Variants in COL19A1 observed in about 807,000 individuals in gnomAD.
The protein encoded by COL19A1 is collagen alpha-1(XIX) chain.
In COL19A1, 159 loss-of-function variants were observed where a neutral mutation model predicts 190.2. The observed-to-expected ratio is 0.84, with a 90% CI of 0.73 to 0.95. COL19A1 has a LOEUF of 0.95. Among genes scored for constraint, COL19A1 ranks in the 40% least tolerant of loss-of-function variants. The pLI is 0.00. For missense variants in COL19A1, 1,418 were observed against 1,431.9 expected (o/e 0.99, Z 0.16); for synonymous variants, 509 against 458.9 (o/e 1.11, Z -1.39).
rs376367028 is a variant in COL19A1, at chr6:70,130,195, A to C, written c.1355A>C (p.His452Pro). Residue 452 changes from histidine to proline, a missense_variant, in exon 18 of 51, where the codon CAT becomes CCT. Transcript: ENST00000620364. ...TTTCACCCCTAGGGAAATGATGAAC[A>C]TGAAGCTGGAGGCCTGAAAGGAGAC... Reference protein sequence around the residue: ...YNKDNKGNDEHEAGGLKGDKG... With the variant: ...YNKDNKGNDEPEAGGLKGDKG... The C allele has an allele frequency of 1.3e-5, 21 of 1,611,908 alleles. No homozygotes were observed. The highest frequency in any genetic ancestry group is 1.6e-4 in the Middle Eastern group (1 of 6,062).
intron 47 of COL19A1, among the ~76,000 whole-genome samples, chr6:70,189,989 A>T (rs1285447081): frequency 1.3e-5 from 2 of 152,214 alleles, no homozygotes; most frequent in African/African-American, 4.8e-5. Flanking sequence ...TACTTTTTAG[A>T]TTATTTAACC....
intron 15 of COL19A1, among the ~76,000 whole-genome samples, chr6:70,075,989 T>C (rs1316934373): frequency 7.9e-5 from 12 of 152,228 alleles, no homozygotes; most frequent in Non-Finnish European, 1.8e-4. Flanking sequence ...TGAGTCTGAA[T>C]GGTTTATTTA....
At chr6:70,024,559 T>A (rs949890704) in intron 12 of COL19A1, among the ~76,000 whole-genome samples, 1 of 151,132 alleles carries the variant, frequency 6.6e-6, no homozygotes, top group Non-Finnish European at 1.5e-5. Context: ...TGAAGACCAA[T>A]CTTTCCGGCC....
Position 69,936,927 on chromosome 6 carries a change from T to A in COL19A1, c.873+17T>A, listed in dbSNP as rs753621926. On this transcript the variant is annotated intron_variant, in intron 8 of 50. Transcript: ENST00000620364. Reference sequence around the variant, plus strand: ...CCAAACAAGGTATGCTAGTTTTAATTGGTGCACACTGAAAGCCACTCCAGA... The same window carrying A: ...CCAAACAAGGTATGCTAGTTTTAATAGGTGCACACTGAAAGCCACTCCAGA... The A allele has an allele frequency of 1.6e-5, 25 of 1,611,310 alleles. No homozygotes were observed. The highest frequency in any genetic ancestry group is 1.7e-4 in the Middle Eastern group (1 of 6,060).
intron 11 of COL19A1, among the ~76,000 whole-genome samples, chr6:69,982,970 T>G (rs1489699184): frequency 8.8e-6 from 1 of 113,754 alleles, no homozygotes; most frequent in African/African-American, 3.3e-5. Context: ...AGACTCTGTC[T>G]CAAAAATAAA....
chr6:69,928,136 A>G, intron 5 of COL19A1, 104 bp downstream of exon 5: 1 of 1,457,204 alleles, frequency 6.9e-7, no homozygotes. Context: ...TAGTATCCAA[A>G]TGTTCTATCC....
At chr6:69,986,350 AC>A (rs2150070092) in intron 11 of COL19A1, among the ~76,000 whole-genome samples, 1 of 151,726 alleles carries the variant, frequency 6.6e-6, no homozygotes, top group East Asian at 1.9e-4. Context: ...ATTGTTAGTT[AC>A]CAATGGATAT....
At chr6:70,042,687 A>G (rs115811442) in intron 14 of COL19A1, among the ~76,000 whole-genome samples, 2,140 of 152,236 alleles carry the variant, frequency 0.014, 56 homozygotes, top group African/African-American at 0.049. Flanking sequence ...GTTTAGTAGC[A>G]TTTTACCCAC....
At position 70,177,776 on chromosome 6, in the gene COL19A1, A is replaced by G. The variant is rs79824677; in HGVS notation, c.2667+1212A>G. Among the ~76,000 whole-genome samples the G allele has an allele frequency of 2.2e-3, 333 of 152,250 alleles. 2 individuals are homozygous for G. Among genetic ancestry groups the G allele is most frequent in the African/African-American group, 7.6e-3 (315 of 41,552 alleles). ...TTTACAACCTGTTCCTCTTATACTC[A>G]CATCCTGTGATTTGAATTTTTGTTT... On this transcript the variant is annotated intron_variant, in intron 42 of 50. Coordinates refer to ENST00000620364, the MANE Select transcript of COL19A1 (RefSeq NM_001858.6).
chr6:70,114,127 G>A lies in COL19A1; in HGVS notation c.1279-7753G>A, dbSNP rs116837019. 3.4e-3 allele frequency among the ~76,000 whole-genome samples: 513 copies of A among 152,028 alleles called. 2 individuals are homozygous for A. The highest frequency in any genetic ancestry group is 0.011 in the African/African-American group (437 of 41,484). On this transcript the variant is annotated intron_variant, in intron 16 of 50. Coordinates refer to ENST00000620364, the MANE Select transcript of COL19A1 (RefSeq NM_001858.6). Reference sequence around the variant, plus strand: ...TGGCCTCCCAAAGTGCTAGCATTGTGGGTGTTAGCCACTGTGCCCAGCCCT... The same window carrying A: ...TGGCCTCCCAAAGTGCTAGCATTGTAGGTGTTAGCCACTGTGCCCAGCCCT...
chr6:69,879,515 A>T (rs879212718), intron 1 of COL19A1, 21 bp from the exon 2 acceptor site: 188 of 1,169,814 alleles, frequency 1.6e-4, no homozygotes, highest in Non-Finnish European at 1.9e-4. Context: ...CTTTATTCAA[A>T]TTTTTTTTTT....
chr6:70,167,518 C>T (rs1765235819), intron 37 of COL19A1, among the ~76,000 whole-genome samples: 1 of 152,106 alleles, frequency 6.6e-6, no homozygotes, highest in Non-Finnish European at 1.5e-5. Context: ...AACATCCACA[C>T]AGGGTTGTGG....
At chr6:70,128,282 G>C (rs1785321840) in intron 17 of COL19A1, among the ~76,000 whole-genome samples, 1 of 152,202 alleles carries the variant, frequency 6.6e-6, no homozygotes, top group African/African-American at 2.4e-5. Flanking sequence ...TATATGCTGG[G>C]TTTATAAATT....
Position 69,929,712 on chromosome 6 carries a change from T to C in COL19A1, c.666+12T>C. 3 of 1,580,290 alleles carry C rather than the reference T, an allele frequency of 1.9e-6. No individual in the cohort carries two copies. The highest frequency in any genetic ancestry group is 2.6e-6 in the Non-Finnish European group (3 of 1,166,580). Reference sequence around the variant, plus strand: ...GCAAGCCTGTGGATGTAAGTTGTGATGTTAGTTGTGAAAGAGAACTAAAAT... The same window carrying C: ...GCAAGCCTGTGGATGTAAGTTGTGACGTTAGTTGTGAAAGAGAACTAAAAT... On this transcript the variant is annotated intron_variant, in intron 6 of 50. Coordinates refer to ENST00000620364, the MANE Select transcript of COL19A1 (RefSeq NM_001858.6).
intron 9 of COL19A1, among the ~76,000 whole-genome samples, chr6:69,942,600 A>G (rs561464647): frequency 1.4e-3 from 215 of 152,060 alleles, no homozygotes; most frequent in Non-Finnish European, 2.6e-3. Context: ...AAACTTCTAC[A>G]TATAAAGGAG....
intron 18 of COL19A1, among the ~76,000 whole-genome samples, chr6:70,134,974 T>C (rs1280587804): frequency 1.3e-5 from 2 of 152,070 alleles, no homozygotes; most frequent in African/African-American, 4.8e-5. Context: ...CCCCGTGTTG[T>C]TTTATCTGTG....
chr6:70,170,406 A>G (rs1765427362), intron 40 of COL19A1, among the ~76,000 whole-genome samples: 1 of 152,218 alleles, frequency 6.6e-6, no homozygotes, highest in Non-Finnish European at 1.5e-5. Context: ...TCCCATGACA[A>G]TAGACCTGCC....
chr6:69,910,841 G>C (rs957640503), intron 4 of COL19A1, among the ~76,000 whole-genome samples: 1 of 152,156 alleles, frequency 6.6e-6, no homozygotes, highest in Non-Finnish European at 1.5e-5. Flanking sequence ...ATGTACTTCA[G>C]TCTTATCTTT....
chr6:69,914,027 T>C (rs1374047897), intron 4 of COL19A1, among the ~76,000 whole-genome samples: 1 of 152,128 alleles, frequency 6.6e-6, no homozygotes, highest in African/African-American at 2.4e-5. Context: ...TCCTCATTTC[T>C]AAAGAGCAGA....
Sources: allele counts gnomAD v4.1 joint callset (sites outside exome capture counted in the v4.1 genomes callset), GRCh38; gene constraint gnomAD v4.1.1; transcripts MANE v1.5; gene names NCBI Gene and HGNC (gene_info 2026-07-23, HGNC 2026-07-21).